CNTNAP2: variants seen among roughly 807,000 people sequenced by gnomAD.
The protein encoded by CNTNAP2 is contactin-associated protein-like 2.
CNTNAP2 carries 98 observed loss-of-function variants against 155.2 expected under a neutral mutation model. The observed-to-expected ratio is 0.63, with a 90% CI of 0.54 to 0.75. The LOEUF (loss-of-function observed/expected upper bound fraction) is 0.75. Ranked by LOEUF, CNTNAP2 falls within the 30% of genes least tolerant of loss-of-function variation. The pLI, the probability that CNTNAP2 is intolerant of heterozygous loss-of-function variation, is 0.00. For missense variants in CNTNAP2, 1,727 were observed against 1,688.1 expected (o/e 1.02, Z -0.40); for synonymous variants, 651 against 631.2 (o/e 1.03, Z -0.47).
intron 21 of CNTNAP2, among the ~76,000 whole-genome samples, chr7:148,282,349 A>G (rs1272584349): frequency 6.6e-6 from 1 of 152,240 alleles, no homozygotes; most frequent in Non-Finnish European, 1.5e-5. Flanking sequence ...TCTGTGTCAG[A>G]ACACCTGCAA....
intron 9 of CNTNAP2, among the ~76,000 whole-genome samples, chr7:147,391,758 T>C (rs565502305): frequency 4.9e-4 from 75 of 152,212 alleles, no homozygotes; most frequent in African/African-American, 1.5e-3. Flanking sequence ...AATAATTTTC[T>C]TGGGTCTTTA....
chr7:146,787,456 T>C (rs559306293), intron 2 of CNTNAP2, among the ~76,000 whole-genome samples: 18 of 152,236 alleles, frequency 1.2e-4, no homozygotes, highest in Middle Eastern at 3.4e-3. Flanking sequence ...CTGCAGACCT[T>C]TGCGGTGTTA....
At chr7:146,503,646 T>C (rs1164167753) in intron 1 of CNTNAP2, among the ~76,000 whole-genome samples, 1 of 152,238 alleles carries the variant, frequency 6.6e-6, no homozygotes, top group Non-Finnish European at 1.5e-5. Context: ...TTCTTTCTTC[T>C]GCACATGGTT....
At chr7:147,933,903 TA>T (rs1176532505) in intron 14 of CNTNAP2, among the ~76,000 whole-genome samples, 1 of 151,980 alleles carries the variant, frequency 6.6e-6, no homozygotes, top group East Asian at 1.9e-4. Flanking sequence ...AGTCCTGCCA[TA>T]AGTGACAATA....
chr7:146,147,910 C>T (rs1265116607), intron 1 of CNTNAP2, among the ~76,000 whole-genome samples: 1 of 151,928 alleles, frequency 6.6e-6, no homozygotes, highest in Non-Finnish European at 1.5e-5. Context: ...TTTAAATATG[C>T]CCTGTTGATC....
intron 22 of CNTNAP2, among the ~76,000 whole-genome samples, chr7:148,386,399 A>G (rs1229694874): frequency 6.6e-5 from 10 of 152,144 alleles, no homozygotes; most frequent in Admixed American, 5.9e-4. Context: ...GTGGTGGCGC[A>G]CGCCTGTAAT....
chr7:147,995,534 T>G (rs1377446460), intron 15 of CNTNAP2, among the ~76,000 whole-genome samples: 2 of 134,494 alleles, frequency 1.5e-5, no homozygotes, highest in African/African-American at 2.9e-5. Flanking sequence ...CTTTTGTTGT[T>G]TTTTTTTTTT....
At chr7:147,910,774 AC>A (rs1416182761) in intron 14 of CNTNAP2, among the ~76,000 whole-genome samples, 2 of 151,920 alleles carry the variant, frequency 1.3e-5, no homozygotes, top group Non-Finnish European at 2.9e-5. Context: ...GGGGGATACC[AC>A]CCCCATGATT....
intron 15 of CNTNAP2, among the ~76,000 whole-genome samples, chr7:148,030,838 G>T (rs1004176534): frequency 2.0e-5 from 3 of 152,124 alleles, no homozygotes; most frequent in African/African-American, 7.2e-5. Context: ...CCATAAACCT[G>T]AAATCTGGGA....
In CNTNAP2 at chr7:148,356,994, A is replaced by G. The variant is rs141153845; in HGVS notation, c.3476-26655A>G. ...GATTTGAAGCGTGAGGCCCTGCGTG[A>G]TATATACTGTAGGAGACCTTTCCAG... On this transcript the variant is annotated intron_variant, in intron 21 of 23. Transcript: ENST00000361727. 4.2e-3 allele frequency among the ~76,000 whole-genome samples: 638 copies of G among 152,156 alleles called. 6 individuals are homozygous for G. Among genetic ancestry groups the G allele is most frequent in the African/African-American group, 0.014 (587 of 41,504 alleles).
chr7:147,207,649 C>T (rs953237610), intron 8 of CNTNAP2, among the ~76,000 whole-genome samples: 1 of 151,974 alleles, frequency 6.6e-6, no homozygotes, highest in Non-Finnish European at 1.5e-5. Flanking sequence ...ACCTGGAAAA[C>T]AAAGTTCTAT....
chr7:146,406,167 TTC>T (rs1453204045), intron 1 of CNTNAP2, among the ~76,000 whole-genome samples: 1 of 152,200 alleles, frequency 6.6e-6, no homozygotes, highest in South Asian at 2.1e-4. Flanking sequence ...TGCTTGAAAG[TTC>T]TCTCTCTGTC....
chr7:147,413,350 C>A (rs928082822), intron 10 of CNTNAP2, among the ~76,000 whole-genome samples: 4 of 152,128 alleles, frequency 2.6e-5, no homozygotes, highest in African/African-American at 4.8e-5. Context: ...ACACAACAGG[C>A]TTTCCCCTAA....
intron 15 of CNTNAP2, among the ~76,000 whole-genome samples, chr7:147,999,766 T>C (rs766562353): frequency 1.3e-5 from 2 of 151,950 alleles, no homozygotes; most frequent in Non-Finnish European, 2.9e-5. Context: ...GGGAGAACAC[T>C]ATGAAAAAAT....
intron 12 of CNTNAP2, chr7:147,638,808 T>C (rs749610227): frequency 7.9e-6 from 4 of 505,642 alleles, no homozygotes; most frequent in Non-Finnish European, 1.1e-5. Flanking sequence ...TATTCAATGC[T>C]GCAGATGTTA....
At chr7:148,321,852 A>G (rs1797793990) in intron 21 of CNTNAP2, among the ~76,000 whole-genome samples, 2 of 152,150 alleles carry the variant, frequency 1.3e-5, no homozygotes, top group Admixed American at 6.5e-5. Context: ...TCACATATGA[A>G]CTGCAAAAGA....
At chr7:147,164,497 A>G (rs1802082558) in intron 8 of CNTNAP2, among the ~76,000 whole-genome samples, 1 of 152,214 alleles carries the variant, frequency 6.6e-6, no homozygotes, top group Non-Finnish European at 1.5e-5. Context: ...TAATTGACAC[A>G]TAACAATTGT....
chr7:147,442,801 T>G (rs1797665067), intron 10 of CNTNAP2, among the ~76,000 whole-genome samples: 1 of 152,120 alleles, frequency 6.6e-6, no homozygotes, highest in Admixed American at 6.5e-5. Context: ...AAATGTTATC[T>G]TGCAGGTAGG....
intron 11 of CNTNAP2, among the ~76,000 whole-genome samples, chr7:147,531,455 G>A (rs1363867529): frequency 6.6e-6 from 1 of 152,188 alleles, no homozygotes; most frequent in Non-Finnish European, 1.5e-5. Flanking sequence ...TGACTTCTGT[G>A]TACCTGCAGG....
Sources: allele counts gnomAD v4.1 joint callset (sites outside exome capture counted in the v4.1 genomes callset), GRCh38; gene constraint gnomAD v4.1.1; transcripts MANE v1.5; gene names NCBI Gene and HGNC (gene_info 2026-07-23, HGNC 2026-07-21).